SPAG16: variants seen among roughly 807,000 people sequenced by gnomAD.
SPAG16 encodes the protein sperm-associated antigen 16 protein.
Under a neutral mutation model 80.4 loss-of-function variants are expected in SPAG16, and 86 were observed. That is an observed-to-expected ratio of 1.07 (90% CI 0.90 to 1.28). The LOEUF (loss-of-function observed/expected upper bound fraction) is 1.28. Ranked by LOEUF, SPAG16 falls within the 50% of genes most tolerant of loss-of-function variation. SPAG16 has a pLI of 0.00. For synonymous variants in SPAG16, 294 were observed against 265.9 expected, an observed-to-expected ratio of 1.11 and a Z score of -1.03; for missense variants, 870 against 765.3, an observed-to-expected ratio of 1.14 and a Z score of -1.61.
intron 11 of SPAG16, among the ~76,000 whole-genome samples, chr2:213,901,829 T>A (rs2077233579): frequency 1.3e-5 from 2 of 152,028 alleles, no homozygotes; most frequent in Non-Finnish European, 2.9e-5. Flanking sequence ...AGGGCCAAGG[T>A]TGAGTGTAAA....
At chr2:213,293,566 G>A (rs932172344) in intron 1 of SPAG16, among the ~76,000 whole-genome samples, 5 of 152,216 alleles carry the variant, frequency 3.3e-5, no homozygotes, top group African/African-American at 1.2e-4. Context: ...CCCACATGGG[G>A]AAGAACTGAG....
intron 10 of SPAG16, among the ~76,000 whole-genome samples, chr2:213,747,654 T>C (rs1201103321): frequency 6.6e-6 from 1 of 152,240 alleles, no homozygotes; most frequent in Non-Finnish European, 1.5e-5. Context: ...GTTTGTAGGC[T>C]AGGAGCAACA....
intron 6 of SPAG16, among the ~76,000 whole-genome samples, chr2:213,349,183 C>T (rs976695010): frequency 6.6e-6 from 1 of 152,166 alleles, no homozygotes; most frequent in African/African-American, 2.4e-5. Flanking sequence ...TATTGAAATG[C>T]AGCCAATGCG....
chr2:214,134,458 C>A (rs769398671), intron 14 of SPAG16, among the ~76,000 whole-genome samples: 1 of 152,184 alleles, frequency 6.6e-6, no homozygotes, highest in Non-Finnish European at 1.5e-5. Flanking sequence ...ATTTAACATA[C>A]CACATATTTT....
Position 213,498,504 on chromosome 2 carries a change from T to G in SPAG16, c.1070+8414T>G, listed in dbSNP as rs556016952. Among the ~76,000 whole-genome samples, 17 of 152,276 alleles carry G rather than the reference T, an allele frequency of 1.1e-4. No homozygotes were observed. In the East Asian group the frequency reaches 2.3e-3, roughly 21 times the overall value. ...AGTCTAATAGAAAGTAATAAAACTT[T>G]TATTAGATTTATACACCAAACATAT... On this transcript the variant is annotated intron_variant, in intron 10 of 15. Coordinates refer to ENST00000331683, the MANE Select transcript of SPAG16 (RefSeq NM_024532.5).
chr2:214,173,687 T>G (rs1166487157), intron 15 of SPAG16, among the ~76,000 whole-genome samples: 2 of 151,736 alleles, frequency 1.3e-5, no homozygotes, highest in Non-Finnish European at 2.9e-5. Context: ...ACTATTCCAA[T>G]CAATAGAAAA....
chr2:214,326,540 T>G (rs985432154), intron 15 of SPAG16, among the ~76,000 whole-genome samples: 2 of 116,942 alleles, frequency 1.7e-5, no homozygotes, highest in Non-Finnish European at 4.4e-5. Context: ...GTAGGACAGA[T>G]ATGAGAAATC....
chr2:213,954,399 C>T (rs1201091304), intron 12 of SPAG16, among the ~76,000 whole-genome samples: 1 of 151,966 alleles, frequency 6.6e-6, no homozygotes, highest in Non-Finnish European at 1.5e-5. Context: ...TATAGATATA[C>T]CACATTTGTC....
chr2:213,844,586 C>A (rs536161219), intron 10 of SPAG16, among the ~76,000 whole-genome samples: 92 of 152,084 alleles, frequency 6.0e-4, no homozygotes, highest in Non-Finnish European at 1.1e-3. Context: ...TCTAACGACA[C>A]AGAAAAGACA....
intron 15 of SPAG16, among the ~76,000 whole-genome samples, chr2:214,271,410 A>G (rs1691990466): frequency 6.6e-6 from 1 of 152,212 alleles, no homozygotes; most frequent in South Asian, 2.1e-4. Flanking sequence ...TTTATGCAAA[A>G]GTTCATAAAT....
chr2:213,352,371 T>C lies in SPAG16; in HGVS notation c.762+1726T>C, dbSNP rs533150551. Among the ~76,000 whole-genome samples, 4 of 152,286 alleles carry C rather than the reference T, an allele frequency of 2.6e-5. No individual in the cohort carries two copies. The South Asian group carries it at 8.3e-4, about 32-fold the overall frequency. ...CTTCCCCAGTCTCCTAACAAAAGGC[T>C]TTCTTTATTCTATATCCTGAGGTAT... is the stretch of plus-strand genomic sequence containing the variant. On this transcript the variant is annotated intron_variant, in intron 7 of 15. Transcript: ENST00000331683.
At chr2:214,015,079 C>T (rs1011748902) in intron 13 of SPAG16, among the ~76,000 whole-genome samples, 1 of 152,132 alleles carries the variant, frequency 6.6e-6, no homozygotes, top group Non-Finnish European at 1.5e-5. Flanking sequence ...TACATTCATG[C>T]CCCTTCATGG....
chr2:213,635,114 C>T (rs890264816), intron 10 of SPAG16, among the ~76,000 whole-genome samples: 3 of 151,642 alleles, frequency 2.0e-5, no homozygotes, highest in African/African-American at 7.3e-5. Flanking sequence ...CGACTCACTG[C>T]AAGCTCCACC....
At chr2:214,076,745 A>T (rs1192605490) in intron 13 of SPAG16, among the ~76,000 whole-genome samples, 1 of 152,212 alleles carries the variant, frequency 6.6e-6, no homozygotes, top group Non-Finnish European at 1.5e-5. Flanking sequence ...CCACAATGGC[A>T]TATGAGTTCA....
intron 14 of SPAG16, among the ~76,000 whole-genome samples, chr2:214,139,432 A>G (rs562040374): frequency 6.6e-6 from 1 of 151,982 alleles, no homozygotes; most frequent in East Asian, 1.9e-4. Context: ...GCGGCTTTTG[A>G]TTTTGTTGAT....
intron 10 of SPAG16, among the ~76,000 whole-genome samples, chr2:213,808,874 G>T (rs772408554): frequency 6.6e-6 from 1 of 152,170 alleles, no homozygotes; most frequent in Non-Finnish European, 1.5e-5. Context: ...GCTGGCTCTT[G>T]TCAGGCCCCA....
chr2:213,682,348 C>T (rs2064435409), intron 10 of SPAG16, among the ~76,000 whole-genome samples: 1 of 152,140 alleles, frequency 6.6e-6, no homozygotes, highest in Non-Finnish European at 1.5e-5. Flanking sequence ...GTTCTTTTTA[C>T]CCTAGAACCC....
chr2:214,382,009 A>G (rs1478529647), intron 15 of SPAG16, among the ~76,000 whole-genome samples: 2 of 152,194 alleles, frequency 1.3e-5, no homozygotes, highest in Non-Finnish European at 2.9e-5. Context: ...GTGATCCATA[A>G]ATTTATTTCC....
intron 15 of SPAG16, among the ~76,000 whole-genome samples, chr2:214,163,651 GAA>G (rs754097323): frequency 2.9e-4 from 43 of 150,626 alleles, no homozygotes; most frequent in South Asian, 2.7e-3. Context: ...GAGAGAGAGA[GAA>G]AGAGAGAGAG....
Sources: allele counts gnomAD v4.1 joint callset (sites outside exome capture counted in the v4.1 genomes callset), GRCh38; gene constraint gnomAD v4.1.1; transcripts MANE v1.5; gene names NCBI Gene and HGNC (gene_info 2026-07-23, HGNC 2026-07-21).